The following ARNT variants were observed in gnomAD, a reference collection of about 807,000 sequenced individuals.
ARNT encodes the protein aryl hydrocarbon receptor nuclear translocator.
In ARNT, 30 loss-of-function variants were observed where a neutral mutation model predicts 105.0. The ratio of observed to expected loss-of-function variants is 0.29; its 90% CI spans 0.21 to 0.39. ARNT has a LOEUF of 0.39. ARNT is among the 10% of genes least tolerant of loss of function. The pLI, the probability that ARNT is intolerant of heterozygous loss-of-function variation, is 1.00. For missense variants in ARNT, 748 were observed against 978.7 expected, an observed-to-expected ratio of 0.76 and a Z score of 3.15; for synonymous variants, 304 against 344.0, an observed-to-expected ratio of 0.88 and a Z score of 1.29.
intron 13 of ARNT, 131 bp downstream of exon 13, chr1:150,826,412 A>T: frequency 1.4e-6 from 1 of 694,630 alleles, no homozygotes; most frequent in Non-Finnish European, 2.5e-6. Context: ...TCTATTCCTT[A>T]AAAATGCAGA....
In ARNT at chr1:150,816,320, T is replaced by C. The variant is rs374089243; in HGVS notation, c.1889A>G (p.Asn630Ser). 5 of 1,606,976 alleles carry C rather than the reference T, an allele frequency of 3.1e-6. No homozygotes were observed. The highest frequency in any genetic ancestry group is 4.2e-6 in the Non-Finnish European group (5 of 1,178,078). The change falls in exon 19 of 22, where the codon AAC (asparagine) becomes AGC (serine). Residue 630 changes from asparagine to serine, a missense_variant. Asn to Ser is a conservative substitution (Grantham distance 46, BLOSUM62 1). Around this residue, in one of 4 missense-constraint regions of ARNT, gnomAD observed 360 missense variants for 411.9 expected, o/e 0.87. Transcript: ENST00000358595. ...AGTTGGGGTTGCTCCTTGGGTGGGG[T>C]TGGAGTGGCGGGAAATCTGGGCCAA... is the stretch of plus-strand genomic sequence containing the variant. ...QMLAQISRHSNPTQGATPTWT... is the reference protein window; with the variant it reads ...QMLAQISRHSSPTQGATPTWT...
At chr1:150,823,548 T>C (rs1657538430) in intron 13 of ARNT, among the ~76,000 whole-genome samples, 1 of 144,576 alleles carries the variant, frequency 6.9e-6, no homozygotes, top group Non-Finnish European at 1.5e-5. Flanking sequence ...TTCAGAGACT[T>C]AAGCTTTTTT....
At chr1:150,849,748 G>A (rs956914660) in intron 3 of ARNT, among the ~76,000 whole-genome samples, 18 of 152,294 alleles carry the variant, frequency 1.2e-4, no homozygotes, top group African/African-American at 4.3e-4. Context: ...GGGTGACAGA[G>A]TAAGACCCTG....
At chr1:150,847,425 CAAAAAAAAAAAAAAA>C in intron 3 of ARNT, among the ~76,000 whole-genome samples, 1 of 91,716 alleles carries the variant, frequency 1.1e-5, no homozygotes, top group South Asian at 4.2e-4. Flanking sequence ...GACTCCGTCT[CAAAAAAAAAAAAAAA>C]AAAAAAGAAG....
chr1:150,855,919 G>A (rs757487348), intron 2 of ARNT, among the ~76,000 whole-genome samples: 6 of 151,706 alleles, frequency 4.0e-5, no homozygotes, highest in East Asian at 3.9e-4. Flanking sequence ...ATGTGTGTGT[G>A]TGTGTATTGC....
Position 150,841,551 on chromosome 1 carries a change from T to C in ARNT, c.272+873A>G, listed in dbSNP as rs1240819091. On this transcript the variant is annotated intron_variant, in intron 5 of 21. Transcript: ENST00000358595. ...GTGACCCAGATTAAAGAGGAAATAG[T>C]AGAAAAAAGGGGGAATATAGTAAAA... Among the ~76,000 whole-genome samples, 2 of 151,966 alleles carry C rather than the reference T, an allele frequency of 1.3e-5. 1 individual carries two copies. Among genetic ancestry groups the C allele is most frequent in the African/African-American group, 4.8e-5 (2 of 41,346 alleles).
rs192930531 is a variant in ARNT, at chr1:150,817,703, G to A, written c.1505+217C>T. 2.4e-3 allele frequency among the ~76,000 whole-genome samples: 363 copies of A among 151,966 alleles called. 1 individual carries two copies. The highest frequency in any genetic ancestry group is 6.8e-3 in the Middle Eastern group (2 of 294). On this transcript the variant is annotated intron_variant, in intron 15 of 21. Coordinates refer to ENST00000358595, the MANE Select transcript of ARNT (RefSeq NM_001668.4). ...AGGCACCTGTAATCCCAGCTATTTG[G>A]GAGGCTGAGGCAGGTGAATCACTTG...
intron 3 of ARNT, among the ~76,000 whole-genome samples, chr1:150,850,698 C>T (rs1483805493): frequency 6.6e-6 from 1 of 152,132 alleles, no homozygotes; most frequent in African/African-American, 2.4e-5. Flanking sequence ...TCTGCCTGGC[C>T]GCCACCCCGT....
chr1:150,816,292 CCAAG>C lies in ARNT; in HGVS notation c.1913_1916del (p.Thr638ArgfsTer143). On this transcript the variant is annotated frameshift_variant, in exon 19 of 22. Transcript: ENST00000358595. LOFTEE classifies it high-confidence loss of function. ...AAAAGCCTGAGCGGGTAGTAGGGGT[CCAAG>C]TTGGGGTTGCTCCTTGGGTGGGGTT... The C allele has an allele frequency of 6.2e-7, 1 of 1,607,066 alleles. No homozygotes were observed. The highest frequency in any genetic ancestry group is 1.7e-5 in the Admixed American group (1 of 57,830).
chr1:150,822,251 T>G (rs1657249046), intron 14 of ARNT, among the ~76,000 whole-genome samples: 1 of 152,176 alleles, frequency 6.6e-6, no homozygotes, highest in Admixed American at 6.5e-5. Flanking sequence ...ATCTTTGGAA[T>G]CTTCAGTGTG....
chr1:150,846,743 C>T (rs1180422410), intron 3 of ARNT, among the ~76,000 whole-genome samples: 1 of 152,082 alleles, frequency 6.6e-6, no homozygotes, highest in African/African-American at 2.4e-5. Context: ...AAAACTGAAA[C>T]TCTATACTCA....
chr1:150,815,442 G>A (rs967969777), intron 19 of ARNT, among the ~76,000 whole-genome samples: 1 of 151,774 alleles, frequency 6.6e-6, no homozygotes, highest in African/African-American at 2.4e-5. Flanking sequence ...CCAGCTACTC[G>A]GGAGGCTGAG....
At chr1:150,862,853 C>T (rs925399983) in intron 1 of ARNT, among the ~76,000 whole-genome samples, 8 of 151,816 alleles carry the variant, frequency 5.3e-5, no homozygotes, top group Admixed American at 1.3e-4. Flanking sequence ...GAGTTCGAGA[C>T]CAGCCTGGCC....
chr1:150,860,362 C>T (rs587730803), intron 1 of ARNT, among the ~76,000 whole-genome samples: 4 of 150,890 alleles, frequency 2.7e-5, no homozygotes, highest in East Asian at 2.0e-4. Context: ...ATTACAGGCA[C>T]GCACCACCAC....
intron 3 of ARNT, 138 bp from the exon 4 acceptor site, chr1:150,846,445 A>C: frequency 1.3e-6 from 1 of 769,150 alleles, no homozygotes; most frequent in Non-Finnish European, 2.1e-6. Context: ...GATAGAAATA[A>C]CAGCAGCACC....
intron 5 of ARNT, among the ~76,000 whole-genome samples, chr1:150,841,245 C>T (rs587661049): frequency 4.0e-5 from 6 of 151,496 alleles, no homozygotes; most frequent in East Asian, 1.9e-4. Context: ...CCACTGCGCC[C>T]GGCCTGCTTT....
At chr1:150,863,754 T>G (rs950006590) in intron 1 of ARNT, among the ~76,000 whole-genome samples, 4 of 150,576 alleles carry the variant, frequency 2.7e-5, no homozygotes, top group African/African-American at 7.3e-5. Flanking sequence ...GAGGCAGAGG[T>G]TGCAGTGAGC....
chr1:150,861,626 A>C (rs587625737), intron 1 of ARNT, among the ~76,000 whole-genome samples: 47 of 152,338 alleles, frequency 3.1e-4, no homozygotes, highest in African/African-American at 9.9e-4. Flanking sequence ...CCTGGGCAAC[A>C]CAGTGAGACC....
chr1:150,852,309 A>G (rs959384212), intron 3 of ARNT, among the ~76,000 whole-genome samples: 5 of 152,174 alleles, frequency 3.3e-5, no homozygotes, highest in African/African-American at 1.2e-4. Flanking sequence ...TGTGCTGTAG[A>G]TTGTAGCCAT....
Sources: gnomAD v4.1 joint callset for allele counts (sites outside exome capture counted in the v4.1 genomes callset) on GRCh38, gnomAD v4.1.1 for gene constraint, gnomAD v4.1.1 regional missense constraint, MANE v1.5 for transcripts, NCBI Gene and HGNC (gene_info 2026-07-23, HGNC 2026-07-21) for gene names.